ULK4: variants seen among roughly 807,000 people sequenced by gnomAD.
ULK4 encodes inactive serine/threonine-protein kinase ULK4.
ULK4 carries 133 observed loss-of-function variants against 160.6 expected under a neutral mutation model. That is an observed-to-expected ratio of 0.83 (90% CI 0.72 to 0.96). The LOEUF (loss-of-function observed/expected upper bound fraction) is 0.96, where lower values mean the gene tolerates loss of function less well. ULK4 is among the 40% of genes least tolerant of loss of function. The pLI is 0.00. For synonymous variants in ULK4, 534 were observed against 539.8 expected, an observed-to-expected ratio of 0.99 and a Z score of 0.15; for missense variants, 1,580 against 1,499.5, an observed-to-expected ratio of 1.05 and a Z score of -0.89.
Position 41,249,379 on chromosome 3 carries a change from G to C in ULK4, c.3764+110C>G. 30 of 985,592 alleles carry C rather than the reference G, an allele frequency of 3.0e-5. No individual in the cohort carries two copies. In the South Asian group the frequency reaches 4.3e-4, roughly 14 times the overall value. 61.1% of individuals were successfully genotyped at this position (985,592 alleles called of 1,614,324 possible). ...CTCAGTGGACAGTGATGGGCTGGAA[G>C]GTGGTAGTCCCTGGTGTGGAGGGAG... On this transcript the variant is annotated intron_variant, in intron 36 of 36. Coordinates refer to ENST00000301831, the MANE Select transcript of ULK4 (RefSeq NM_017886.4).
intron 21 of ULK4, among the ~76,000 whole-genome samples, chr3:41,768,568 C>T (rs1000896273): frequency 6.6e-6 from 1 of 152,170 alleles, no homozygotes; most frequent in Non-Finnish European, 1.5e-5. Context: ...AGGCTACCAA[C>T]CTACAGCCTC....
chr3:41,306,714 G>A (rs1304407222), intron 35 of ULK4, among the ~76,000 whole-genome samples: 2 of 152,078 alleles, frequency 1.3e-5, no homozygotes, highest in Non-Finnish European at 2.9e-5. Flanking sequence ...AAGGGGGAAA[G>A]GTGGGGAAAA....
chr3:41,709,432 G>A, intron 25 of ULK4, among the ~76,000 whole-genome samples: 1 of 152,148 alleles, frequency 6.6e-6, no homozygotes, highest in East Asian at 1.9e-4. Context: ...CTGTCACCAG[G>A]CTGGAGTGCA....
chr3:41,708,415 G>C (rs1460856669), intron 25 of ULK4, among the ~76,000 whole-genome samples: 1 of 152,124 alleles, frequency 6.6e-6, no homozygotes, highest in Non-Finnish European at 1.5e-5. Flanking sequence ...TAAGTGAAAG[G>C]AGCCAGGCAC....
intron 22 of ULK4, among the ~76,000 whole-genome samples, chr3:41,733,501 C>T (rs919688013): frequency 3.3e-5 from 5 of 151,870 alleles, no homozygotes; most frequent in Admixed American, 3.3e-4. Context: ...ATGCAGACTT[C>T]CAAACCAGTA....
rs76182719 is a variant in ULK4, at chr3:41,940,029, G to T, written c.139-1832C>A. Among the ~76,000 whole-genome samples the T allele has an allele frequency of 3.6e-4, 52 of 145,568 alleles. 3 individuals carry two copies. Among genetic ancestry groups the T allele is most frequent in the South Asian group, 8.7e-4 (4 of 4,580 alleles). On this transcript the variant is annotated intron_variant, in intron 2 of 36. Coordinates refer to ENST00000301831, the MANE Select transcript of ULK4 (RefSeq NM_017886.4). ...GGGTACCGGTGCCATAGTTTTTGTT[G>T]TTTTTTTTTTTAATAAACATAGAAA...
chr3:41,565,928 C>CA, intron 32 of ULK4, 97 bp downstream of exon 32: 1 of 803,912 alleles, frequency 1.2e-6, no homozygotes, highest in Non-Finnish European at 1.9e-6. Context: ...TATTTTGACT[C>CA]ATCAACTTTA....
intron 30 of ULK4, among the ~76,000 whole-genome samples, chr3:41,638,298 T>C (rs1395966488): frequency 2.0e-5 from 3 of 152,172 alleles, no homozygotes; most frequent in South Asian, 2.1e-4. Flanking sequence ...TTGTCCATTT[T>C]CCCTTTGGGC....
At chr3:41,750,988 G>C (rs2038606020) in intron 22 of ULK4, among the ~76,000 whole-genome samples, 1 of 133,358 alleles carries the variant, frequency 7.5e-6, no homozygotes, top group African/African-American at 2.8e-5. Context: ...GAGAGAGAAA[G>C]AGAGAGAGAG....
At chr3:41,771,231 G>C (rs2039355860) in intron 21 of ULK4, among the ~76,000 whole-genome samples, 4 of 152,044 alleles carry the variant, frequency 2.6e-5, no homozygotes. Flanking sequence ...AAAATATGTG[G>C]TAATGTTCAA....
intron 30 of ULK4, among the ~76,000 whole-genome samples, chr3:41,638,714 A>G (rs995534728): frequency 7.9e-5 from 12 of 152,238 alleles, no homozygotes; most frequent in African/African-American, 2.9e-4. Flanking sequence ...ATTCTGGCCA[A>G]TAACTGTCAT....
intron 17 of ULK4, among the ~76,000 whole-genome samples, chr3:41,865,270 TTAAAAAAAAAAAAAAAAAAAAAAA>T (rs1445890597): frequency 6.1e-5 from 4 of 65,638 alleles, no homozygotes; most frequent in African/African-American, 2.5e-4. Flanking sequence ...GACTCTGTCT[TTAAAAAAAAAAAAAAAAAAAAAAA>T]AAAAAAAAAA....
At chr3:41,737,676 G>T (rs1050937484) in intron 22 of ULK4, among the ~76,000 whole-genome samples, 5 of 151,818 alleles carry the variant, frequency 3.3e-5, no homozygotes, top group African/African-American at 9.7e-5. Flanking sequence ...GAAACAATTT[G>T]TACTTTAAAT....
intron 32 of ULK4, among the ~76,000 whole-genome samples, chr3:41,555,216 GATC>G (rs2087243607): frequency 6.6e-6 from 1 of 151,556 alleles, no homozygotes; most frequent in South Asian, 2.1e-4. Context: ...GTAAAACTAT[GATC>G]ATAACTACTC....
chr3:41,628,254 A>G (rs1157113892), intron 30 of ULK4, among the ~76,000 whole-genome samples: 1 of 152,172 alleles, frequency 6.6e-6, no homozygotes, highest in Non-Finnish European at 1.5e-5. Flanking sequence ...AAAAATTTGA[A>G]GTTTGTGACA....
At chr3:41,467,365 A>T (rs960319033) in intron 32 of ULK4, among the ~76,000 whole-genome samples, 2 of 152,130 alleles carry the variant, frequency 1.3e-5, no homozygotes, top group Non-Finnish European at 2.9e-5. Flanking sequence ...CATCTCTACT[A>T]AAAGTACAAA....
intron 30 of ULK4, among the ~76,000 whole-genome samples, chr3:41,649,485 C>T (rs1485090193): frequency 1.3e-5 from 2 of 152,182 alleles, no homozygotes; most frequent in African/African-American, 4.8e-5. Flanking sequence ...CCCCTACGCT[C>T]AGAAGTGCCT....
At chr3:41,674,741 A>G (rs1485663235) in intron 29 of ULK4, among the ~76,000 whole-genome samples, 1 of 152,212 alleles carries the variant, frequency 6.6e-6, no homozygotes, top group South Asian at 2.1e-4. Context: ...GAGAGAGTCA[A>G]TGCATGACAC....
At chr3:41,300,338 A>T (rs1384930713) in intron 35 of ULK4, among the ~76,000 whole-genome samples, 1 of 152,192 alleles carries the variant, frequency 6.6e-6, no homozygotes. Context: ...TAAATTGTGG[A>T]AACTGCTGGG....
Sources: allele counts gnomAD v4.1 joint callset (sites outside exome capture counted in the v4.1 genomes callset), GRCh38; gene constraint gnomAD v4.1.1; transcripts MANE v1.5; gene names NCBI Gene and HGNC (gene_info 2026-07-23, HGNC 2026-07-21).